Variants in NLGN4X observed in about 807,000 individuals in gnomAD.
NLGN4X encodes the protein neuroligin 4 X-linked, also known as neuroligin-4, X-linked.
Under a neutral mutation model 40.3 loss-of-function variants are expected in NLGN4X, and 3 were observed. The ratio of observed to expected loss-of-function variants is 0.07; its 90% confidence interval spans 0.03 to 0.19. The LOEUF is 0.19. Among genes scored for constraint, NLGN4X ranks in the 10% least tolerant of loss-of-function variants. NLGN4X has a pLI of 1.00. For missense variants in NLGN4X, 382 were observed against 708.3 expected (o/e 0.54, Z 5.23); for synonymous variants, 270 against 306.8 (o/e 0.88, Z 1.25).
At chrX:5,921,148 CAT>C (rs60922455) in intron 3 of NLGN4X, among the ~76,000 whole-genome samples, 5,307 of 90,963 alleles carry the variant, frequency 0.058, 131 homozygotes, top group Admixed American at 0.088. Context: ...TATATATATA[CAT>C]ATATATATAT....
intron 2 of NLGN4X, among the ~76,000 whole-genome samples, chrX:6,051,489 A>C (rs1302781949): frequency 9.0e-6 from 1 of 111,134 alleles, no homozygotes; most frequent in Non-Finnish European, 1.9e-5. Flanking sequence ...AAACATATGG[A>C]GAGAAGAAGG....
intron 3 of NLGN4X, among the ~76,000 whole-genome samples, chrX:5,997,947 C>A (rs2035876526): frequency 9.0e-6 from 1 of 111,344 alleles, no homozygotes; most frequent in Non-Finnish European, 1.9e-5. Context: ...AATTCCTCTG[C>A]TTTTAATCTC....
intron 3 of NLGN4X, among the ~76,000 whole-genome samples, chrX:5,959,101 A>T: frequency 8.9e-6 from 1 of 112,202 alleles, no homozygotes; most frequent in Non-Finnish European, 1.9e-5. Context: ...GACAGAAAAC[A>T]GTTCATATGT....
At chrX:5,985,378 T>C (rs1161795489) in intron 3 of NLGN4X, among the ~76,000 whole-genome samples, 3 of 111,731 alleles carry the variant, frequency 2.7e-5, no homozygotes, top group African/African-American at 9.8e-5. Flanking sequence ...TGTCAACTCT[T>C]ATCTCTGGAG....
chrX:6,223,151 G>A (rs995786925), intron 1 of NLGN4X, among the ~76,000 whole-genome samples: 3 of 110,308 alleles, frequency 2.7e-5, no homozygotes, highest in African/African-American at 9.9e-5. Flanking sequence ...TTATATAGTA[G>A]GATACATATC....
At chrX:6,222,462 C>A (rs1046414392) in intron 1 of NLGN4X, among the ~76,000 whole-genome samples, 1 of 111,664 alleles carries the variant, frequency 9.0e-6, no homozygotes, top group Non-Finnish European at 1.9e-5. Context: ...ATAAAACAAC[C>A]CAAACAAAAT....
At chrX:5,963,652 C>A (rs957095089) in intron 3 of NLGN4X, among the ~76,000 whole-genome samples, 16 of 111,941 alleles carry the variant, frequency 1.4e-4, no homozygotes, top group Non-Finnish European at 3.0e-4. Context: ...TTCAGAGGAA[C>A]CACACTAATT....
In NLGN4X at chrX:6,089,183, A is replaced by G. The variant is rs750475093; in HGVS notation, c.473-59751T>C. Among the ~76,000 whole-genome samples, 3 of 112,296 alleles carry G rather than the reference A, an allele frequency of 2.7e-5. No homozygotes were observed. The East Asian group carries it at 8.3e-4, about 31-fold the overall frequency. On this transcript the variant is annotated intron_variant, in intron 2 of 5. Transcript: ENST00000381095. ...GCAAATACAGTGTAATTTATTATGC[A>G]ATTAAATTACAATGAGTGGTATAGG...
At chrX:5,933,849 G>T (rs1296028640) in intron 3 of NLGN4X, among the ~76,000 whole-genome samples, 1 of 111,203 alleles carries the variant, frequency 9.0e-6, no homozygotes, top group Non-Finnish European at 1.9e-5. Flanking sequence ...AACCTAAGAT[G>T]AAGAATGCAT....
At chrX:6,131,052 G>A (rs775797436) in intron 2 of NLGN4X, among the ~76,000 whole-genome samples, 84 of 111,124 alleles carry the variant, frequency 7.6e-4, no homozygotes, top group Non-Finnish European at 1.1e-3. Context: ...ATGAAAAGAC[G>A]ATCTTTTATT....
chrX:6,122,728 A>C (rs1232451472), intron 2 of NLGN4X, among the ~76,000 whole-genome samples: 1 of 109,330 alleles, frequency 9.1e-6, no homozygotes, highest in Non-Finnish European at 1.9e-5. Context: ...GATTCAAAAG[A>C]AGCAGATCCC....
chrX:5,982,492 A>T (rs1461361420), intron 3 of NLGN4X, among the ~76,000 whole-genome samples: 1 of 112,461 alleles, frequency 8.9e-6, no homozygotes, highest in Non-Finnish European at 1.9e-5. Context: ...TTTCTGTAAT[A>T]TATTAGAATA....
At chrX:6,023,999 C>CA (rs745656445) in intron 3 of NLGN4X, among the ~76,000 whole-genome samples, 110 of 105,496 alleles carry the variant, frequency 1.0e-3, no homozygotes, top group African/African-American at 2.0e-3. Context: ...ACAACAACAA[C>CA]AAAAAAAAAA....
At chrX:6,032,643 G>A (rs767400084) in intron 2 of NLGN4X, 1 of 830,420 alleles carries the variant, frequency 1.2e-6, no homozygotes, top group African/African-American at 2.1e-5. Flanking sequence ...GAGATAGATA[G>A]ATATAAAATC....
intron 1 of NLGN4X, among the ~76,000 whole-genome samples, chrX:6,173,795 C>G (rs768701222): frequency 8.9e-6 from 1 of 112,144 alleles, no homozygotes; most frequent in Non-Finnish European, 1.9e-5. Context: ...TGGTCGCTCA[C>G]GCCTGTAATC....
chrX:5,930,671 T>C (rs1412246477), intron 3 of NLGN4X, among the ~76,000 whole-genome samples: 1 of 112,347 alleles, frequency 8.9e-6, no homozygotes, highest in Non-Finnish European at 1.9e-5. Flanking sequence ...ACATGATGCA[T>C]TATATTCTGT....
chrX:6,147,595 T>A (rs967896674), intron 2 of NLGN4X, among the ~76,000 whole-genome samples: 3 of 111,063 alleles, frequency 2.7e-5, no homozygotes, highest in African/African-American at 9.8e-5. Context: ...TTAATCAAGC[T>A]ACCAAGCCAT....
chrX:6,116,048 C>T (rs931843801), intron 2 of NLGN4X, among the ~76,000 whole-genome samples: 1 of 109,436 alleles, frequency 9.1e-6, no homozygotes, highest in Admixed American at 9.8e-5. Flanking sequence ...AATCCCAGCA[C>T]TTTGGGAGGC....
At chrX:6,206,344 T>C (rs1924033741) in intron 1 of NLGN4X, among the ~76,000 whole-genome samples, 1 of 112,108 alleles carries the variant, frequency 8.9e-6, no homozygotes, top group Non-Finnish European at 1.9e-5. Context: ...ATTGTGATCA[T>C]TGTTACACAA....
Sources: allele counts gnomAD v4.1 joint callset (sites outside exome capture counted in the v4.1 genomes callset), GRCh38; gene constraint gnomAD v4.1.1; transcripts MANE v1.5; gene names NCBI Gene and HGNC (gene_info 2026-07-23, HGNC 2026-07-21).